RERG: variants seen among roughly 807,000 people sequenced by gnomAD.
RERG encodes ras-related and estrogen-regulated growth inhibitor.
Under a neutral mutation model 23.2 loss-of-function variants are expected in RERG, and 25 were observed. The observed-to-expected ratio is 1.08, with a 90% CI of 0.79 to 1.50. The LOEUF is 1.50. Ranked by LOEUF, RERG falls within the 40% of genes most tolerant of loss-of-function variation. The pLI, the probability that RERG is intolerant of heterozygous loss-of-function variation, is 0.00. For synonymous variants in RERG, 81 were observed against 89.1 expected, an observed-to-expected ratio of 0.91 and a Z score of 0.51; for missense variants, 253 against 250.1, an observed-to-expected ratio of 1.01 and a Z score of -0.08.
intron 2 of RERG, among the ~76,000 whole-genome samples, chr12:15,179,846 C>T (rs36039131): frequency 0.083 from 12,704 of 152,196 alleles, 610 homozygotes; most frequent in East Asian, 0.25. Context: ...AGCTTGCACA[C>T]TGCACAATGG....
intron 2 of RERG, among the ~76,000 whole-genome samples, chr12:15,169,478 C>T (rs1457201225): frequency 6.6e-6 from 1 of 152,142 alleles, no homozygotes; most frequent in African/African-American, 2.4e-5. Flanking sequence ...CATTGATCTC[C>T]TCCTCCTCTT....
intron 2 of RERG, among the ~76,000 whole-genome samples, chr12:15,180,442 T>TG (rs1291619979): frequency 3.9e-5 from 6 of 152,050 alleles, no homozygotes; most frequent in Non-Finnish European, 1.5e-5. Flanking sequence ...CTTGAGCTAC[T>TG]GGCAATGGCT....
chr12:15,214,847 T>C (rs1865418836), intron 2 of RERG, among the ~76,000 whole-genome samples: 1 of 152,142 alleles, frequency 6.6e-6, no homozygotes, highest in African/African-American at 2.4e-5. Flanking sequence ...ACCCAGTGTC[T>C]TAAAATAAAA....
chr12:15,128,123 G>C (rs1366730759), intron 2 of RERG, among the ~76,000 whole-genome samples: 1 of 151,974 alleles, frequency 6.6e-6, no homozygotes, highest in African/African-American at 2.4e-5. Context: ...TTTAACGTGA[G>C]CGTACATCTT....
chr12:15,142,705 G>A (rs796555419), intron 2 of RERG, among the ~76,000 whole-genome samples: 2 of 152,046 alleles, frequency 1.3e-5, no homozygotes, highest in Admixed American at 6.6e-5. Flanking sequence ...GAAGAGAGAG[G>A]GGGGGTAGGA....
In RERG at chr12:15,108,158, T is replaced by C. The variant is rs1023822437; in HGVS notation, c.*952A>G. Reference sequence around the variant, plus strand: ...GTATCCAAAATATCAAAATAAGTCATGTGGCAAACTTAATGAATCAGAGGC... The same window carrying C: ...GTATCCAAAATATCAAAATAAGTCACGTGGCAAACTTAATGAATCAGAGGC... On this transcript the variant is annotated 3_prime_UTR_variant, in exon 5 of 5. Transcript: ENST00000256953. The C allele has an allele frequency of 1.3e-5, 2 of 152,356 alleles. No individual in the cohort carries two copies. The highest frequency in any genetic ancestry group is 2.9e-5 in the Non-Finnish European group (2 of 68,024). The allele number at this position is 152,356 out of a possible 1,614,324, so 9.4% of individuals were successfully genotyped here.
At chr12:15,161,157 A>AGAAAGAAG (rs1864601945) in intron 2 of RERG, among the ~76,000 whole-genome samples, 1 of 118,564 alleles carries the variant, frequency 8.4e-6, no homozygotes, top group Non-Finnish European at 1.8e-5. Flanking sequence ...AAAGAAAGAA[A>AGAAAGAAG]GAAAGAAAGA....
chr12:15,209,763 A>G (rs1034006555), intron 2 of RERG, among the ~76,000 whole-genome samples: 2 of 152,350 alleles, frequency 1.3e-5, no homozygotes, highest in African/African-American at 4.8e-5. Context: ...AATATAAAAT[A>G]TCTGAGAAGA....
chr12:15,156,508 T>C (rs1424808258), intron 2 of RERG, among the ~76,000 whole-genome samples: 1 of 152,218 alleles, frequency 6.6e-6, no homozygotes, highest in East Asian at 1.9e-4. Flanking sequence ...CACTTTAATC[T>C]CTATCTCTCT....
At chr12:15,119,929 T>C (rs1478163625) in intron 3 of RERG, among the ~76,000 whole-genome samples, 1 of 152,184 alleles carries the variant, frequency 6.6e-6, no homozygotes, top group African/African-American at 2.4e-5. Context: ...AAAGATGTTC[T>C]CTACAAAGTA....
At chr12:15,201,698 TATTA>T (rs530163843) in intron 2 of RERG, among the ~76,000 whole-genome samples, 289 of 150,350 alleles carry the variant, frequency 1.9e-3, no homozygotes, top group Middle Eastern at 0.014. Flanking sequence ...AATTAGCTAA[TATTA>T]ATTATTAGTA....
At chr12:15,217,398 C>T in intron 2 of RERG, 31 bp downstream of exon 2, 3 of 1,496,678 alleles carry the variant, frequency 2.0e-6, no homozygotes, top group Non-Finnish European at 2.8e-6. Flanking sequence ...CCCACACACA[C>T]ACACTATAAC....
chr12:15,124,732 AT>A lies in RERG; in HGVS notation c.62-3614del, dbSNP rs563451632. 6.8e-4 allele frequency among the ~76,000 whole-genome samples: 104 copies of A among 151,984 alleles called. 2 individuals carry two copies. The highest frequency in any genetic ancestry group is 2.2e-3 in the African/African-American group (93 of 41,482). The stretch of plus-strand genomic sequence containing the variant: ...TATTTATTATGGAAAAATGCTGGAA[AT>A]TTTTTTTCCAGCTGGAAAAAGTATT... On this transcript the variant is annotated intron_variant, in intron 2 of 4. Coordinates refer to ENST00000256953, the MANE Select transcript of RERG (RefSeq NM_032918.3).
At chr12:15,122,892 G>C (rs1018224805) in intron 2 of RERG, among the ~76,000 whole-genome samples, 5 of 150,350 alleles carry the variant, frequency 3.3e-5, no homozygotes, top group Admixed American at 6.7e-5. Flanking sequence ...TCCACCTTTC[G>C]GGTTCAAGCA....
At chr12:15,146,709 T>C (rs962784468) in intron 2 of RERG, among the ~76,000 whole-genome samples, 7 of 152,156 alleles carry the variant, frequency 4.6e-5, no homozygotes, top group African/African-American at 1.7e-4. Flanking sequence ...GCATGTAAAG[T>C]GAATCACTCT....
At chr12:15,209,772 G>GA (rs1434987787) in intron 2 of RERG, among the ~76,000 whole-genome samples, 1 of 152,158 alleles carries the variant, frequency 6.6e-6, no homozygotes, top group African/African-American at 2.4e-5. Context: ...TATCTGAGAA[G>GA]ATGTGGAAAA....
At chr12:15,195,551 CTGTGTGTGTGTGTGTGTGTGTGTGTG>C (rs71042238) in intron 2 of RERG, among the ~76,000 whole-genome samples, 10,450 of 128,348 alleles carry the variant, frequency 0.081, 466 homozygotes, top group East Asian at 0.25. Context: ...GCAAGCTTGG[CTGTGTGTGTGTGTGTGTGTGTGTGTG>C]TGTGTGTGTG....
At chr12:15,111,747 A>G (rs1344185948) in intron 3 of RERG, among the ~76,000 whole-genome samples, 1 of 150,152 alleles carries the variant, frequency 6.7e-6, no homozygotes, top group Non-Finnish European at 1.5e-5. Context: ...GCAGTGGTGC[A>G]ATATCAGCTC....
intron 2 of RERG, among the ~76,000 whole-genome samples, chr12:15,152,623 G>A (rs1225102315): frequency 2.0e-5 from 3 of 152,176 alleles, no homozygotes; most frequent in Admixed American, 6.5e-5. Context: ...ACTGGACAAG[G>A]ATAACTTGAA....
Sources: allele counts gnomAD v4.1 joint callset (sites outside exome capture counted in the v4.1 genomes callset), GRCh38; gene constraint gnomAD v4.1.1; transcripts MANE v1.5; gene names NCBI Gene and HGNC (gene_info 2026-07-23, HGNC 2026-07-21).